The following SBNO1 variants were observed in gnomAD, a reference collection of about 807,000 sequenced individuals.
The protein encoded by SBNO1 is protein strawberry notch homolog 1.
A neutral mutation model predicts 173.6 loss-of-function variants in SBNO1; 23 were observed. The observed-to-expected ratio is 0.13, with a 90% CI of 0.10 to 0.19. SBNO1 has a LOEUF of 0.19. SBNO1 is among the 10% of genes least tolerant of loss of function. The pLI, the probability that SBNO1 is intolerant of heterozygous loss-of-function variation, is 1.00. For missense variants in SBNO1, 1,238 were observed against 1,671.2 expected, an observed-to-expected ratio of 0.74 and a Z score of 4.52; for synonymous variants, 632 against 571.5, an observed-to-expected ratio of 1.11 and a Z score of -1.51.
At chr12:123,364,400 G>A (rs28697919) in intron 1 of SBNO1, 1 of 985,502 alleles carries the variant, frequency 1.0e-6, no homozygotes. Flanking sequence ...CGGTCCAAGA[G>A]GGGTGCCTCC....
chr12:123,325,321 G>A (rs1870496813), intron 15 of SBNO1, among the ~76,000 whole-genome samples, 181 bp downstream of exon 15: 1 of 152,136 alleles, frequency 6.6e-6, no homozygotes, highest in Non-Finnish European at 1.5e-5. Flanking sequence ...AGGATTATGA[G>A]ATTTCTGTTA....
chr12:123,355,265 C>T (rs1310973394), intron 1 of SBNO1, among the ~76,000 whole-genome samples: 1 of 152,064 alleles, frequency 6.6e-6, no homozygotes, highest in Non-Finnish European at 1.5e-5. Context: ...GTGATCCGCC[C>T]GCCTGGGCCT....
chr12:123,348,009 C>G lies in SBNO1; in HGVS notation c.237+20G>C, dbSNP rs764848446. ...TTCTAAACTATTTTAGAAGTAACGA[C>G]GAATCTAAATCATTCTTACCCTCAC... On this transcript the variant is annotated intron_variant, in intron 3 of 31. Transcript: ENST00000602398. 6.9e-7 allele frequency: 1 copy of G among 1,453,308 alleles called. No individual in the cohort carries two copies. The highest frequency in any genetic ancestry group is 1.7e-5 in the Admixed American group (1 of 58,032). 90.0% of individuals were successfully genotyped at this position (1,453,308 alleles called of 1,614,324 possible).
At chr12:123,356,542 A>T (rs565434626) in intron 1 of SBNO1, among the ~76,000 whole-genome samples, 1 of 152,300 alleles carries the variant, frequency 6.6e-6, no homozygotes, top group East Asian at 1.9e-4. Context: ...CCTGGGTTCA[A>T]GCGATTCTCC....
At chr12:123,307,184 G>A (rs532888518) in intron 28 of SBNO1, among the ~76,000 whole-genome samples, 2 of 151,878 alleles carry the variant, frequency 1.3e-5, no homozygotes, top group South Asian at 4.2e-4. Context: ...CAGAGCGAGC[G>A]AGATCCCATT....
intron 30 of SBNO1, among the ~76,000 whole-genome samples, chr12:123,301,672 T>C (rs979097209): frequency 2.0e-5 from 3 of 152,190 alleles, no homozygotes; most frequent in Admixed American, 2.0e-4. Flanking sequence ...AAAGTTTGCA[T>C]GTGCTGTGCT....
intron 1 of SBNO1, among the ~76,000 whole-genome samples, chr12:123,361,073 G>A (rs921128468): frequency 3.3e-5 from 5 of 152,194 alleles, no homozygotes; most frequent in Non-Finnish European, 5.9e-5. Context: ...GTAAAACCTC[G>A]TCTCTGCTAA....
intron 9 of SBNO1, among the ~76,000 whole-genome samples, chr12:123,329,220 A>T (rs950977175): frequency 2.6e-5 from 4 of 152,072 alleles, no homozygotes; most frequent in African/African-American, 9.7e-5. Context: ...ATCCCTACAA[A>T]AAATACAAAA....
At chr12:123,314,405 C>T (rs1869016391) in intron 23 of SBNO1, among the ~76,000 whole-genome samples, 1 of 151,856 alleles carries the variant, frequency 6.6e-6, no homozygotes, top group Non-Finnish European at 1.5e-5. Context: ...ACTCGGCTCA[C>T]TGCAACCTCT....
At chr12:123,313,286 TA>T (rs1219972371) in intron 24 of SBNO1, among the ~76,000 whole-genome samples, 6 of 149,226 alleles carry the variant, frequency 4.0e-5, no homozygotes, top group African/African-American at 9.8e-5. Flanking sequence ...TTAAAAAAAA[TA>T]AAATAAATAA....
intron 28 of SBNO1, among the ~76,000 whole-genome samples, chr12:123,308,232 C>T (rs575256131): frequency 3.9e-5 from 6 of 152,020 alleles, no homozygotes; most frequent in Admixed American, 1.3e-4. Context: ...TAGATGTGTG[C>T]GCACACACAC....
intron 10 of SBNO1, among the ~76,000 whole-genome samples, chr12:123,328,411 T>TA (rs1192353714): frequency 1.3e-5 from 2 of 152,260 alleles, no homozygotes; most frequent in African/African-American, 4.8e-5. Flanking sequence ...TTGGGACCAC[T>TA]AAGTTCTAAC....
At chr12:123,338,328 G>A (rs1326852918) in intron 5 of SBNO1, among the ~76,000 whole-genome samples, 2 of 152,030 alleles carry the variant, frequency 1.3e-5, no homozygotes, top group South Asian at 2.1e-4. Context: ...AGGGGTGGGC[G>A]GATCACCTGA....
At chr12:123,325,130 G>A (rs1040716030) in intron 15 of SBNO1, among the ~76,000 whole-genome samples, 28 of 152,216 alleles carry the variant, frequency 1.8e-4, no homozygotes, top group Non-Finnish European at 3.2e-4. Flanking sequence ...AGTAGACTTC[G>A]TTATATTAGG....
Position 123,295,175 on chromosome 12 carries a change from A to C in SBNO1, c.*733T>G, listed in dbSNP as rs1482476675. ...AAAAATGTATGTATTCATTACCTTG[A>C]CCAGAAACCCAGGGCAGGGAGAAGG... On this transcript the variant is annotated 3_prime_UTR_variant, in exon 32 of 32. Coordinates refer to ENST00000602398, the MANE Select transcript of SBNO1 (RefSeq NM_001167856.3). 1 of 152,192 alleles carries C rather than the reference A, an allele frequency of 6.6e-6. No homozygotes were observed. The highest frequency in any genetic ancestry group is 1.5e-5 in the Non-Finnish European group (1 of 68,056). The allele number at this position is 152,192 out of a possible 1,614,324, so 9.4% of individuals were successfully genotyped here.
chr12:123,324,488 G>GT (rs1870378362), intron 15 of SBNO1, among the ~76,000 whole-genome samples: 1 of 151,764 alleles, frequency 6.6e-6, no homozygotes, highest in African/African-American at 2.4e-5. Context: ...CGCCTGGCTA[G>GT]TTTTTGTATT....
chr12:123,302,797 T>A (rs778888445), intron 30 of SBNO1, 27 bp downstream of exon 30: 44 of 1,567,126 alleles, frequency 2.8e-5, no homozygotes, highest in Non-Finnish European at 3.8e-5. Context: ...TTTTGGAAAA[T>A]TTGGTAGGAA....
intron 9 of SBNO1, among the ~76,000 whole-genome samples, chr12:123,329,983 C>G (rs911714533): frequency 6.6e-6 from 1 of 152,186 alleles, no homozygotes; most frequent in African/African-American, 2.4e-5. Flanking sequence ...AGTCCATTAG[C>G]TGTACAAATA....
intron 1 of SBNO1, among the ~76,000 whole-genome samples, chr12:123,355,996 C>G (rs557989822): frequency 2.0e-5 from 3 of 152,204 alleles, no homozygotes; most frequent in South Asian, 2.1e-4. Flanking sequence ...CAGAAAGTTA[C>G]CAAGGGGGAC....
Sources: allele counts gnomAD v4.1 joint callset (sites outside exome capture counted in the v4.1 genomes callset), GRCh38; gene constraint gnomAD v4.1.1; transcripts MANE v1.5; gene names NCBI Gene and HGNC (gene_info 2026-07-23, HGNC 2026-07-21).